The following IL23R variants were observed in gnomAD, a reference collection of about 807,000 sequenced individuals.
IL23R encodes the protein interleukin 23 receptor.
Under a neutral mutation model 56.9 loss-of-function variants are expected in IL23R, and 34 were observed. The observed-to-expected ratio is 0.60, with a 90% confidence interval of 0.45 to 0.80. The LOEUF (loss-of-function observed/expected upper bound fraction) is 0.80, where lower values mean the gene tolerates loss of function less well. IL23R is among the 30% of genes least tolerant of loss of function. IL23R has a pLI of 0.00. For synonymous variants in IL23R, 230 were observed against 249.2 expected (o/e 0.92, Z 0.73); for missense variants, 635 against 730.0 (o/e 0.87, Z 1.50).
At chr1:67,190,440 AAAACCAAAAAAAAAAC>A (rs1486769753) in intron 4 of IL23R, among the ~76,000 whole-genome samples, 3 of 96,978 alleles carry the variant, frequency 3.1e-5, no homozygotes, top group African/African-American at 4.4e-5. Flanking sequence ...GGGAAAAAAA[AAAACCAAAAAAAAAAC>A]AAAACCAGTG....
intron 7 of IL23R, among the ~76,000 whole-genome samples, chr1:67,228,106 C>CCT (rs761542664): frequency 2.0e-4 from 9 of 45,906 alleles, no homozygotes; most frequent in Admixed American, 2.9e-4. Context: ...TTCTTTCTTT[C>CCT]TCTCTCTTTC....
At chr1:67,250,962 G>T (rs1230213319) in intron 9 of IL23R, among the ~76,000 whole-genome samples, 1 of 152,194 alleles carries the variant, frequency 6.6e-6, no homozygotes, top group Non-Finnish European at 1.5e-5. Flanking sequence ...GAGGTTCCAT[G>T]AGGAAAACAG....
At chr1:67,206,774 A>G in intron 5 of IL23R, 136 bp from the exon 6 acceptor site, 1 of 980,684 alleles carries the variant, frequency 1.0e-6, no homozygotes, top group Non-Finnish European at 1.5e-6. Context: ...AATGTCCATA[A>G]TTGTTCATTA....
At chr1:67,228,363 C>CTTTTTTTTTTTTTTTTTTTTTTTTTTT (rs78083258) in intron 7 of IL23R, among the ~76,000 whole-genome samples, 1 of 105,784 alleles carries the variant, frequency 9.5e-6, no homozygotes, top group Non-Finnish European at 1.8e-5. Flanking sequence ...TTTTTTCTTC[C>CTTTTTTTTTTTTTTTTTTTTTTTTTTT]TTTTTTTTTT....
At chr1:67,159,994 G>T (rs2102542625) in intron 1 of IL23R, among the ~76,000 whole-genome samples, 1 of 152,160 alleles carries the variant, frequency 6.6e-6, no homozygotes, top group Non-Finnish European at 1.5e-5. Context: ...TCACTAGTAT[G>T]TTTTTAAATT....
At chr1:67,143,815 C>T (rs1646658466) in intron 1 of IL23R, among the ~76,000 whole-genome samples, 2 of 152,122 alleles carry the variant, frequency 1.3e-5, no homozygotes, top group South Asian at 4.1e-4. Flanking sequence ...GGCAGGACAT[C>T]AGCAGAATAT....
Position 67,236,663 on chromosome 1 carries a change from A to G in IL23R, c.956-50A>G, listed in dbSNP as rs768562877. On this transcript the variant is annotated intron_variant, in intron 7 of 10. Coordinates refer to ENST00000347310, the MANE Select transcript of IL23R (RefSeq NM_144701.3). ...AAGAAACTCCGTTGGGAAATTTGGC[A>G]AGCAGAGTGCAAAATGTAAGAAACT... is the stretch of plus-strand genomic sequence containing the variant. 4.1e-6 allele frequency: 5 copies of G among 1,228,540 alleles called. No individual in the cohort carries two copies. In the East Asian group the frequency reaches 9.3e-5, roughly 23 times the overall value. The allele number at this position is 1,228,540 out of a possible 1,614,324, so 76.1% of individuals were successfully genotyped here. A position where few individuals can be genotyped will look rare whatever the true frequency, so the allele number is the denominator to read the frequency against.
rs1650808265 is a variant in IL23R, at chr1:67,228,049, C to A, written c.955+8319C>A. 1.9e-5 allele frequency among the ~76,000 whole-genome samples: 2 copies of A among 104,594 alleles called. 1 individual carries two copies. Among genetic ancestry groups the A allele is most frequent in the Non-Finnish European group, 3.7e-5 (2 of 53,696 alleles). The allele number at this position is 104,594 out of a possible 152,430, so 68.6% of individuals were successfully genotyped here. A position where few individuals can be genotyped will look rare whatever the true frequency, so the allele number is the denominator to read the frequency against. On this transcript the variant is annotated intron_variant, in intron 7 of 10. Coordinates refer to ENST00000347310, the MANE Select transcript of IL23R (RefSeq NM_144701.3). ...TTCTTTCTTTTCTTTCTTTCTCTTT[C>A]TTTCTTTCTTTCTCTGTCTCTCTCT... is the stretch of plus-strand genomic sequence containing the variant.
intron 8 of IL23R, 62 bp from the exon 9 acceptor site, chr1:67,240,117 T>C: frequency 8.7e-7 from 1 of 1,144,690 alleles, no homozygotes; most frequent in Non-Finnish European, 1.3e-6. Context: ...AAGAGAATAG[T>C]AATTCTGGTA....
intron 4 of IL23R, among the ~76,000 whole-genome samples, chr1:67,198,822 G>T (rs982482807): frequency 2.6e-5 from 4 of 152,170 alleles, no homozygotes; most frequent in African/African-American, 9.7e-5. Context: ...GTACGTGCCT[G>T]TGGTCCCGGC....
chr1:67,261,343 T>G (rs192239443), downstream of IL23R, among the ~76,000 whole-genome samples: 3 of 145,560 alleles, frequency 2.1e-5, no homozygotes, highest in Admixed American at 2.1e-4. Context: ...GCACTGACAA[T>G]CCTCTTTATT....
At chr1:67,214,481 A>T (rs763284113) in intron 6 of IL23R, among the ~76,000 whole-genome samples, 9 of 152,180 alleles carry the variant, frequency 5.9e-5, no homozygotes, top group Admixed American at 1.3e-4. Flanking sequence ...ATATTCTTTC[A>T]GTTCCATTTG....
intron 8 of IL23R, among the ~76,000 whole-genome samples, chr1:67,238,637 G>C (rs1651650392): frequency 6.6e-6 from 1 of 152,144 alleles, no homozygotes; most frequent in Non-Finnish European, 1.5e-5. Flanking sequence ...ATAAGAGGCA[G>C]AGTTTAATTC....
At position 67,259,050 on chromosome 1, in the gene IL23R, G is replaced by C. The variant is rs1250866602; in HGVS notation, c.1812G>C (p.Glu604Asp). ...CCTGTTTGGGGATCGTGAATGAGGAGTTGCCATCTATTAATACTTATTTTC... is the reference window on the plus strand; with the variant it reads ...CCTGTTTGGGGATCGTGAATGAGGACTTGCCATCTATTAATACTTATTTTC... Reference protein sequence around the residue: ...FVSCLGIVNEELPSINTYFPQ... With the variant: ...FVSCLGIVNEDLPSINTYFPQ... Residue 604 changes from glutamate (E) to aspartate (D), a missense_variant, in exon 11 of 11, where the codon GAG (glutamate) becomes GAC (aspartate). Transcript: ENST00000347310. The C allele has an allele frequency of 2.5e-6, 4 of 1,613,940 alleles. No homozygotes were observed. Among genetic ancestry groups the C allele is most frequent in the Admixed American group, 3.3e-5 (2 of 59,966 alleles).
At chr1:67,210,903 A>G (rs1649426089) in intron 6 of IL23R, among the ~76,000 whole-genome samples, 1 of 152,200 alleles carries the variant, frequency 6.6e-6, no homozygotes, top group Non-Finnish European at 1.5e-5. Flanking sequence ...GCTAAGCATG[A>G]TTCCAAATCC....
intron 2 of IL23R, among the ~76,000 whole-genome samples, chr1:67,169,015 C>T (rs1646907815): frequency 6.6e-6 from 1 of 151,882 alleles, no homozygotes; most frequent in African/African-American, 2.4e-5. Context: ...GTGGTGCTCA[C>T]CTGTAATCCC....
chr1:67,158,636 G>A (rs530204953), intron 1 of IL23R, among the ~76,000 whole-genome samples: 3 of 152,270 alleles, frequency 2.0e-5, no homozygotes, highest in South Asian at 4.2e-4. Flanking sequence ...CTTATGGAAA[G>A]CTACTTTGCT....
intron 4 of IL23R, among the ~76,000 whole-genome samples, chr1:67,189,963 A>G (rs1414742671): frequency 6.6e-6 from 1 of 152,098 alleles, no homozygotes; most frequent in Non-Finnish European, 1.5e-5. Flanking sequence ...GAGCAAGTCA[A>G]TTTCCCTAAC....
intron 4 of IL23R, among the ~76,000 whole-genome samples, chr1:67,200,358 C>T (rs1382053534): frequency 6.6e-6 from 1 of 151,224 alleles, no homozygotes; most frequent in Non-Finnish European, 1.5e-5. Flanking sequence ...AAAAAGGTAA[C>T]ATTTTAAAAA....
Sources: allele counts gnomAD v4.1 joint callset (sites outside exome capture counted in the v4.1 genomes callset), GRCh38; gene constraint gnomAD v4.1.1; transcripts MANE v1.5; gene names NCBI Gene and HGNC (gene_info 2026-07-23, HGNC 2026-07-21).